The following DLGAP1 variants were observed in gnomAD, a reference collection of about 807,000 sequenced individuals.
The protein encoded by DLGAP1 is DLG associated protein 1.
A neutral mutation model predicts 90.8 loss-of-function variants in DLGAP1; 11 were observed. The observed-to-expected ratio is 0.12, with a 90% CI of 0.08 to 0.20. The LOEUF (loss-of-function observed/expected upper bound fraction) is 0.20, where lower values mean the gene tolerates loss of function less well. DLGAP1 is among the 10% of genes least tolerant of loss of function. The pLI is 1.00. For synonymous variants in DLGAP1, 558 were observed against 540.7 expected, an observed-to-expected ratio of 1.03 and a Z score of -0.44; for missense variants, 1,050 against 1,333.8, an observed-to-expected ratio of 0.79 and a Z score of 3.31.
intron 7 of DLGAP1, among the ~76,000 whole-genome samples, chr18:3,588,880 AT>A (rs2056069597): frequency 6.6e-6 from 1 of 151,942 alleles, no homozygotes; most frequent in Non-Finnish European, 1.5e-5. Flanking sequence ...TATTGCCTAC[AT>A]TTGTATGGAA....
chr18:4,394,043 C>T (rs2082391607), intron 1 of DLGAP1, among the ~76,000 whole-genome samples: 1 of 152,088 alleles, frequency 6.6e-6, no homozygotes, highest in South Asian at 2.1e-4. Flanking sequence ...GTTGGGGATC[C>T]CTGCTCTAGA....
intron 10 of DLGAP1, among the ~76,000 whole-genome samples, chr18:3,527,586 T>G (rs969011801): frequency 6.6e-6 from 1 of 151,740 alleles, no homozygotes; most frequent in Admixed American, 6.6e-5. Context: ...TTTTGTTTTG[T>G]GTTTGTTGTT....
rs1267594256 is a variant in DLGAP1 at position 3,559,646 on chromosome 18, G to A, written c.2057+7844C>T. Among the ~76,000 whole-genome samples, 31 of 128,638 alleles carry A rather than the reference G, an allele frequency of 2.4e-4. No individual in the cohort carries two copies. In the East Asian group the frequency reaches 2.9e-3, roughly 12 times the overall value. The allele number at this position is 128,638 out of a possible 152,430, so 84.4% of individuals were successfully genotyped here. A position where few individuals can be genotyped will look rare whatever the true frequency, so the allele number is the denominator to read the frequency against. On this transcript the variant is annotated intron_variant, in intron 9 of 12. Coordinates refer to ENST00000315677, the MANE Select transcript of DLGAP1 (RefSeq NM_004746.4). ...CCACTTTTTTTTTTTTTTTTTTTGC[G>A]GAGTCTCGTTCTGTCGCCCAGGCTG...
At chr18:4,285,173 T>C (rs562184234) in intron 1 of DLGAP1, among the ~76,000 whole-genome samples, 48 of 152,272 alleles carry the variant, frequency 3.2e-4, no homozygotes, top group African/African-American at 1.2e-3. Flanking sequence ...GAAGATCTGG[T>C]TGCTAAAAAG....
chr18:3,837,833 C>T (rs1355428095), intron 4 of DLGAP1, among the ~76,000 whole-genome samples: 1 of 104,138 alleles, frequency 9.6e-6, no homozygotes, highest in Non-Finnish European at 1.7e-5. Context: ...GCCTGGGCGA[C>T]AGAGTGAGAT....
intron 3 of DLGAP1, among the ~76,000 whole-genome samples, chr18:3,919,914 C>CA (rs2072229047): frequency 6.6e-6 from 1 of 152,192 alleles, no homozygotes; most frequent in Non-Finnish European, 1.5e-5. Context: ...CACTGTGAAA[C>CA]AGAGGCGCAG....
At chr18:3,686,358 G>T (rs1243833500) in intron 7 of DLGAP1, among the ~76,000 whole-genome samples, 1 of 152,040 alleles carries the variant, frequency 6.6e-6, no homozygotes, top group African/African-American at 2.4e-5. Context: ...ATGGGGGAAG[G>T]TTGTTTAGAC....
chr18:3,954,684 C>A (rs11872622), intron 3 of DLGAP1, among the ~76,000 whole-genome samples: 3,870 of 152,216 alleles, frequency 0.025, 171 homozygotes, highest in African/African-American at 0.084. Context: ...AGGAACTTTT[C>A]AAAGGGTCTA....
At chr18:4,085,130 G>A (rs964815265) in intron 2 of DLGAP1, among the ~76,000 whole-genome samples, 6 of 152,154 alleles carry the variant, frequency 3.9e-5, no homozygotes, top group Non-Finnish European at 7.4e-5. Flanking sequence ...CAGTCTTGGT[G>A]CAACTGAATG....
At chr18:3,782,138 A>C (rs373392955) in intron 5 of DLGAP1, among the ~76,000 whole-genome samples, 1,550 of 151,476 alleles carry the variant, frequency 0.01, 12 homozygotes, top group Non-Finnish European at 0.017. Flanking sequence ...TTTTGCTCTA[A>C]GATTTTTTTT....
At chr18:3,805,799 C>T (rs892125670) in intron 5 of DLGAP1, among the ~76,000 whole-genome samples, 1 of 152,182 alleles carries the variant, frequency 6.6e-6, no homozygotes, top group Non-Finnish European at 1.5e-5. Context: ...AGGAATATAA[C>T]TCAGCTTGTT....
chr18:4,396,220 G>A (rs1028440194), intron 1 of DLGAP1, among the ~76,000 whole-genome samples: 7 of 152,150 alleles, frequency 4.6e-5, no homozygotes, highest in Admixed American at 1.3e-4. Context: ...GCAGCAAATC[G>A]ATGAAGCTTC....
chr18:3,784,389 G>A lies in DLGAP1; in HGVS notation c.1172+29670C>T, dbSNP rs182072635. ...CTATCCTAGCCTTCTTTTCTATCAAGGTTTGTTTTCCGTTTTCTTCTTCTT... is the reference window on the plus strand; with the variant it reads ...CTATCCTAGCCTTCTTTTCTATCAAAGTTTGTTTTCCGTTTTCTTCTTCTT... On this transcript the variant is annotated intron_variant, in intron 5 of 12. Coordinates refer to ENST00000315677, the MANE Select transcript of DLGAP1 (RefSeq NM_004746.4). Among the ~76,000 whole-genome samples the A allele has an allele frequency of 1.2e-3, 186 of 152,232 alleles. 2 individuals carry two copies. In the East Asian group the frequency reaches 0.033, roughly 27 times the overall value.
chr18:3,798,040 A>G (rs2066094724), intron 5 of DLGAP1, among the ~76,000 whole-genome samples: 2 of 152,206 alleles, frequency 1.3e-5, no homozygotes, highest in Non-Finnish European at 2.9e-5. Flanking sequence ...CCCCAGCCAC[A>G]TGGAACTGTG....
At chr18:3,784,502 C>A (rs1381593014) in intron 5 of DLGAP1, among the ~76,000 whole-genome samples, 1 of 152,122 alleles carries the variant, frequency 6.6e-6, no homozygotes, top group East Asian at 1.9e-4. Context: ...TATTTTTACT[C>A]CTCTGTTCAG....
At chr18:3,753,014 C>T (rs182617827) in intron 5 of DLGAP1, among the ~76,000 whole-genome samples, 72 of 151,898 alleles carry the variant, frequency 4.7e-4, no homozygotes, top group East Asian at 2.9e-3. Context: ...TTTGTGTCAG[C>T]GCATAAAAAT....
chr18:4,404,713 C>T (rs2082626631), intron 1 of DLGAP1, among the ~76,000 whole-genome samples: 1 of 151,944 alleles, frequency 6.6e-6, no homozygotes, highest in Admixed American at 6.6e-5. Flanking sequence ...AAAAGGAAAT[C>T]CTATGAAATC....
At chr18:3,555,446 TG>T (rs2053693523) in intron 9 of DLGAP1, among the ~76,000 whole-genome samples, 1 of 152,076 alleles carries the variant, frequency 6.6e-6, no homozygotes, top group Admixed American at 6.6e-5. Context: ...ATGATAAAAA[TG>T]GCTCGTATAA....
At chr18:3,693,011 A>C (rs1175235933) in intron 7 of DLGAP1, among the ~76,000 whole-genome samples, 2 of 152,224 alleles carry the variant, frequency 1.3e-5, no homozygotes, top group African/African-American at 4.8e-5. Flanking sequence ...TCTTGGCTTA[A>C]GGTATTCTGG....
Sources: gnomAD v4.1 joint callset for allele counts (sites outside exome capture counted in the v4.1 genomes callset) on GRCh38, gnomAD v4.1.1 for gene constraint, MANE v1.5 for transcripts, NCBI Gene and HGNC (gene_info 2026-07-23, HGNC 2026-07-21) for gene names.